The following RAD51B variants were observed in gnomAD, a reference collection of about 807,000 sequenced individuals.
RAD51B encodes RAD51 paralog B.
A neutral mutation model predicts 42.2 loss-of-function variants in RAD51B; 38 were observed. The observed-to-expected ratio is 0.90, with a 90% CI of 0.70 to 1.18. The LOEUF (loss-of-function observed/expected upper bound fraction) is 1.18. RAD51B is among the 50% of genes most tolerant of loss of function. The pLI, the probability that RAD51B is intolerant of heterozygous loss-of-function variation, is 0.00. For synonymous variants in RAD51B, 154 were observed against 145.2 expected (o/e 1.06, Z -0.43); for missense variants, 373 against 400.7 (o/e 0.93, Z 0.59).
intron 4 of RAD51B, among the ~76,000 whole-genome samples, chr14:67,848,046 T>G (rs148573131): frequency 5.4e-4 from 82 of 152,276 alleles, no homozygotes; most frequent in Non-Finnish European, 8.1e-4. Flanking sequence ...TAAGATGGAG[T>G]CTCAGTCTGT....
intron 7 of RAD51B, among the ~76,000 whole-genome samples, chr14:67,950,436 T>C (rs2074422497): frequency 6.6e-6 from 1 of 152,218 alleles, no homozygotes; most frequent in East Asian, 1.9e-4. Context: ...CTTTCCTCTC[T>C]CAGCCTTCAC....
intron 11 of RAD51B, among the ~76,000 whole-genome samples, chr14:68,677,227 G>A (rs1360994639): frequency 1.3e-5 from 2 of 152,080 alleles, no homozygotes; most frequent in African/African-American, 4.8e-5. Flanking sequence ...CCTAAATCAG[G>A]CTCACCCTGG....
At chr14:68,535,962 C>G (rs1415182022) in intron 10 of RAD51B, among the ~76,000 whole-genome samples, 1 of 152,034 alleles carries the variant, frequency 6.6e-6, no homozygotes, top group African/African-American at 2.4e-5. Context: ...CTAATGTAAG[C>G]CAGAGTTTAA....
At chr14:68,461,559 T>C (rs2085846889) in intron 9 of RAD51B, among the ~76,000 whole-genome samples, 1 of 152,100 alleles carries the variant, frequency 6.6e-6, no homozygotes, top group South Asian at 2.1e-4. Flanking sequence ...AAGATTAACG[T>C]CCATTGGTTG....
chr14:68,661,823 A>G (rs1204946260), intron 11 of RAD51B, among the ~76,000 whole-genome samples: 1 of 152,176 alleles, frequency 6.6e-6, no homozygotes, highest in Non-Finnish European at 1.5e-5. Flanking sequence ...TCTGACTGCC[A>G]GCAGGTTGTG....
At chr14:68,123,033 G>T (rs1043610625) in intron 7 of RAD51B, among the ~76,000 whole-genome samples, 1 of 151,944 alleles carries the variant, frequency 6.6e-6, no homozygotes, top group Non-Finnish European at 1.5e-5. Flanking sequence ...TTGTTTCCAG[G>T]GGGGGGTTTT....
chr14:67,893,505 C>CAAA (rs766502467), intron 7 of RAD51B, among the ~76,000 whole-genome samples: 9 of 100,192 alleles, frequency 9.0e-5, no homozygotes, highest in African/African-American at 4.5e-4. Context: ...CACACACACA[C>CAAA]ACACAAAAAA....
At position 67,921,575 on chromosome 14, in the gene RAD51B, A is replaced by T. The variant is rs1346593442; in HGVS notation, c.756+34371A>T. ...ATGTACATATGTGCACATCACACAC[A>T]CACACACACACACACACACACACAC... On this transcript the variant is annotated intron_variant, in intron 7 of 10. Coordinates refer to ENST00000471583, the MANE Select transcript of RAD51B (RefSeq NM_133510.4). Among the ~76,000 whole-genome samples, 547 of 111,380 alleles carry T rather than the reference A, an allele frequency of 4.9e-3. 7 individuals are homozygous for T. Among genetic ancestry groups the T allele is most frequent in the African/African-American group, 0.018 (508 of 28,698 alleles). The allele number at this position is 111,380 out of a possible 152,430, so 73.1% of individuals were successfully genotyped here.
At chr14:67,947,455 T>A (rs1420404347) in intron 7 of RAD51B, among the ~76,000 whole-genome samples, 1 of 152,222 alleles carries the variant, frequency 6.6e-6, no homozygotes, top group Non-Finnish European at 1.5e-5. Flanking sequence ...TTACCTTGTG[T>A]CCTTAGCTCC....
At chr14:68,522,615 C>T (rs1886658915) in intron 10 of RAD51B, among the ~76,000 whole-genome samples, 1 of 152,158 alleles carries the variant, frequency 6.6e-6, no homozygotes, top group South Asian at 2.1e-4. Flanking sequence ...CAGTAATTAC[C>T]TCCATTCCAG....
chr14:68,193,994 A>G (rs1005386428), intron 7 of RAD51B, among the ~76,000 whole-genome samples: 2 of 152,218 alleles, frequency 1.3e-5, no homozygotes, highest in East Asian at 1.9e-4. Context: ...TGGGACATTA[A>G]AAGAAACAAA....
intron 4 of RAD51B, among the ~76,000 whole-genome samples, chr14:67,845,345 C>G (rs563486050): frequency 1.3e-5 from 2 of 152,156 alleles, no homozygotes; most frequent in Non-Finnish European, 2.9e-5. Flanking sequence ...GATCTTATTT[C>G]TCCTTTGCTT....
chr14:67,894,917 G>A (rs1262417766), intron 7 of RAD51B, among the ~76,000 whole-genome samples: 3 of 152,138 alleles, frequency 2.0e-5, no homozygotes, highest in Non-Finnish European at 4.4e-5. Context: ...TGGGACTAGA[G>A]GCATGTACCA....
intron 7 of RAD51B, among the ~76,000 whole-genome samples, chr14:68,242,938 G>A (rs558206659): frequency 6.6e-6 from 1 of 152,278 alleles, no homozygotes; most frequent in South Asian, 2.1e-4. Context: ...TCACCCTAAA[G>A]GAGCTGATGC....
intron 7 of RAD51B, among the ~76,000 whole-genome samples, chr14:68,013,299 TC>T (rs2075718316): frequency 6.6e-6 from 1 of 152,178 alleles, no homozygotes; most frequent in African/African-American, 2.4e-5. Context: ...GCTATATCCT[TC>T]TTATGACAGA....
At chr14:68,061,602 T>G (rs1401260920) in intron 7 of RAD51B, among the ~76,000 whole-genome samples, 1 of 152,168 alleles carries the variant, frequency 6.6e-6, no homozygotes, top group Non-Finnish European at 1.5e-5. Context: ...TGTTGAGATT[T>G]TTTTCACCTC....
chr14:67,834,765 G>T (rs551847743), intron 3 of RAD51B, among the ~76,000 whole-genome samples: 1 of 152,032 alleles, frequency 6.6e-6, no homozygotes, highest in Non-Finnish European at 1.5e-5. Context: ...TCCAAAATCT[G>T]TATCAGTTAT....
intron 10 of RAD51B, among the ~76,000 whole-genome samples, chr14:68,607,353 A>T (rs1891488303): frequency 6.6e-6 from 1 of 152,106 alleles, no homozygotes; most frequent in East Asian, 1.9e-4. Flanking sequence ...CTTTCGAAAG[A>T]GTAAGTCATG....
intron 8 of RAD51B, among the ~76,000 whole-genome samples, chr14:68,405,754 G>T (rs1215349805): frequency 1.4e-5 from 2 of 145,350 alleles, no homozygotes; most frequent in Non-Finnish European, 3.0e-5. Flanking sequence ...GTTGCTCCTG[G>T]CCCAAATGTG....
Sources: allele counts gnomAD v4.1 joint callset (sites outside exome capture counted in the v4.1 genomes callset), GRCh38; gene constraint gnomAD v4.1.1; transcripts MANE v1.5; gene names NCBI Gene and HGNC (gene_info 2026-07-23, HGNC 2026-07-21).